Variants in RANBP9 observed in about 807,000 individuals in gnomAD.
RANBP9 encodes ran-binding protein 9.
A neutral mutation model predicts 84.3 loss-of-function variants in RANBP9; 15 were observed. That is an observed-to-expected ratio of 0.18 (90% CI 0.12 to 0.27). The LOEUF is 0.27. Ranked by LOEUF, RANBP9 falls within the 10% of genes least tolerant of loss-of-function variation. RANBP9 has a pLI of 1.00. For missense variants in RANBP9, 809 were observed against 912.8 expected (o/e 0.89, Z 1.46); for synonymous variants, 392 against 349.6 (o/e 1.12, Z -1.35).
At chr6:13,673,607 G>C (rs1043065105) in intron 2 of RANBP9, among the ~76,000 whole-genome samples, 11 of 152,192 alleles carry the variant, frequency 7.2e-5, no homozygotes, top group Non-Finnish European at 1.0e-4. Context: ...TGCTATAAGG[G>C]ACAGGAGGGA....
intron 7 of RANBP9, among the ~76,000 whole-genome samples, chr6:13,641,967 A>G (rs1765075219): frequency 6.6e-6 from 1 of 152,126 alleles, no homozygotes; most frequent in Non-Finnish European, 1.5e-5. Context: ...AACAGCACCA[A>G]TTTTAGGATG....
intron 13 of RANBP9, among the ~76,000 whole-genome samples, chr6:13,622,709 ACT>A (rs534886382): frequency 1.3e-5 from 2 of 152,292 alleles, no homozygotes; most frequent in South Asian, 2.1e-4. Flanking sequence ...TATAAGATAA[ACT>A]CTGGCAGAAT....
At chr6:13,643,885 C>T (rs1019119962) in intron 6 of RANBP9, among the ~76,000 whole-genome samples, 1 of 152,166 alleles carries the variant, frequency 6.6e-6, no homozygotes, top group African/African-American at 2.4e-5. Context: ...GTCTCCCAAT[C>T]ACTTCCTTTT....
chr6:13,648,153 T>TG (rs1765216628), intron 5 of RANBP9, among the ~76,000 whole-genome samples: 1 of 139,486 alleles, frequency 7.2e-6, no homozygotes, highest in South Asian at 2.5e-4. Flanking sequence ...TTTTTTTTTT[T>TG]TTTTTTTTTT....
At chr6:13,697,537 T>C (rs916274350) in intron 1 of RANBP9, among the ~76,000 whole-genome samples, 3 of 152,222 alleles carry the variant, frequency 2.0e-5, no homozygotes, top group Non-Finnish European at 4.4e-5. Flanking sequence ...AGTAACACCA[T>C]GCCACTGCTG....
chr6:13,664,457 C>CTTTTTCT (rs1554224407), intron 2 of RANBP9, among the ~76,000 whole-genome samples: 1 of 151,068 alleles, frequency 6.6e-6, no homozygotes, highest in Non-Finnish European at 1.5e-5. Context: ...CCACAATAGG[C>CTTTTTCT]TTTTCTTTTT....
intron 1 of RANBP9, among the ~76,000 whole-genome samples, chr6:13,697,621 G>A (rs1757871517): frequency 1.3e-5 from 2 of 152,072 alleles, no homozygotes; most frequent in African/African-American, 4.8e-5. Context: ...TAATCCCACA[G>A]GGTTTGCTAA....
chr6:13,698,238 G>A (rs1463658478), intron 1 of RANBP9, among the ~76,000 whole-genome samples: 2 of 152,070 alleles, frequency 1.3e-5, no homozygotes, highest in Admixed American at 6.6e-5. Context: ...TTTTAGCCTG[G>A]TGACCATAAG....
At chr6:13,687,069 G>A (rs577194035) in intron 2 of RANBP9, among the ~76,000 whole-genome samples, 6 of 152,146 alleles carry the variant, frequency 3.9e-5, no homozygotes, top group East Asian at 1.9e-4. Flanking sequence ...AATCTCAGAC[G>A]AATTCCCTCC....
At position 13,653,482 on chromosome 6, in the gene RANBP9, A is replaced by C. The variant is rs139886209; in HGVS notation, c.905-801T>G. Among the ~76,000 whole-genome samples, 112 of 152,292 alleles carry C rather than the reference A, an allele frequency of 7.4e-4. 1 individual carries two copies. Among genetic ancestry groups the C allele is most frequent in the African/African-American group, 2.3e-3 (94 of 41,586 alleles). On this transcript the variant is annotated intron_variant, in intron 4 of 13. Transcript: ENST00000011619. ...TTTAGCTCTAGAATAATGGGAGAGC[A>C]GTATTGGTGAGTCAGTCAGCTGATC...
At chr6:13,623,577 T>C (rs1409079987) in intron 13 of RANBP9, among the ~76,000 whole-genome samples, 2 of 152,226 alleles carry the variant, frequency 1.3e-5, no homozygotes, top group African/African-American at 4.8e-5. Flanking sequence ...GGGAAGACCG[T>C]GCTCAAAGAC....
chr6:13,701,828 A>C (rs544837751), intron 1 of RANBP9, among the ~76,000 whole-genome samples: 6 of 151,708 alleles, frequency 4.0e-5, no homozygotes, highest in Non-Finnish European at 7.4e-5. Context: ...GTCATATTCA[A>C]CTCTCCACTC....
chr6:13,656,222 T>G (rs1263195162), intron 4 of RANBP9, among the ~76,000 whole-genome samples: 2 of 152,216 alleles, frequency 1.3e-5, no homozygotes, highest in Non-Finnish European at 2.9e-5. Flanking sequence ...GTCTAATTTC[T>G]AAATACTATT....
intron 2 of RANBP9, among the ~76,000 whole-genome samples, chr6:13,663,996 G>A (rs575967850): frequency 2.2e-4 from 33 of 152,136 alleles, no homozygotes; most frequent in African/African-American, 6.5e-4. Context: ...CTCACCACTC[G>A]TATTCAACAC....
intron 5 of RANBP9, among the ~76,000 whole-genome samples, chr6:13,646,789 T>A (rs1003340825): frequency 3.3e-5 from 5 of 152,132 alleles, no homozygotes; most frequent in African/African-American, 2.4e-5. Flanking sequence ...AAAATGTGTT[T>A]TACAAATACA....
At chr6:13,642,622 T>A in intron 6 of RANBP9, 31 bp from the exon 7 acceptor site, 1 of 1,429,034 alleles carries the variant, frequency 7.0e-7, no homozygotes, top group South Asian at 1.2e-5. Context: ...CATACATCTT[T>A]TAGTGAAGAG....
chr6:13,690,037 C>G (rs1461350015), intron 2 of RANBP9, among the ~76,000 whole-genome samples: 1 of 152,086 alleles, frequency 6.6e-6, no homozygotes, highest in African/African-American at 2.4e-5. Flanking sequence ...CATAAGTACC[C>G]TTTACGATGT....
rs368363020 is a variant in RANBP9 at position 13,641,290 on chromosome 6, A to G, written c.1243T>C (p.Leu415=). The change falls in exon 8 of 14, where the codon TTA becomes CTA. Residue 415 remains leucine, a synonymous_variant. Coordinates refer to ENST00000011619, the MANE Select transcript of RANBP9 (RefSeq NM_005493.3). ...ATGGCTTCTCCCATTCTTCCTGCTA[A>G]TACCAATTTCTGAATTCCTATTCAG... ...KNRQRIQKLV[L]AGRMGEAIET... 4 of 1,599,246 alleles carry G rather than the reference A, an allele frequency of 2.5e-6. No individual in the cohort carries two copies. Among genetic ancestry groups the G allele is most frequent in the Admixed American group, 1.7e-5 (1 of 57,992 alleles).
At chr6:13,687,295 C>G (rs1055873126) in intron 2 of RANBP9, among the ~76,000 whole-genome samples, 9 of 152,130 alleles carry the variant, frequency 5.9e-5, no homozygotes, top group Non-Finnish European at 1.5e-5. Context: ...CCCCTAGCAG[C>G]TCAAACACTG....
Sources: gnomAD v4.1 joint callset for allele counts (sites outside exome capture counted in the v4.1 genomes callset) on GRCh38, gnomAD v4.1.1 for gene constraint, MANE v1.5 for transcripts, NCBI Gene and HGNC (gene_info 2026-07-23, HGNC 2026-07-21) for gene names.